SGCZ: variants seen among roughly 807,000 people sequenced by gnomAD.
SGCZ encodes the protein zeta-sarcoglycan.
SGCZ carries 40 observed loss-of-function variants against 41.3 expected under a neutral mutation model. That is an observed-to-expected ratio of 0.97 (90% CI 0.75 to 1.26). SGCZ has a LOEUF of 1.26. Among genes scored for constraint, SGCZ ranks in the 50% most tolerant of loss-of-function variants. The pLI, the probability that SGCZ is intolerant of heterozygous loss-of-function variation, is 0.00. For synonymous variants in SGCZ, 206 were observed against 137.5 expected (o/e 1.50, Z -3.49); for missense variants, 552 against 369.8 (o/e 1.49, Z -4.04).
At chr8:15,191,080 C>T (rs956215102) in intron 1 of SGCZ, among the ~76,000 whole-genome samples, 2 of 151,976 alleles carry the variant, frequency 1.3e-5, no homozygotes, top group Non-Finnish European at 2.9e-5. Context: ...TACTTTAATA[C>T]AACAATAGTA....
At chr8:14,117,924 T>TTTTTTTTTTTTTTTTTTTTTTTTGAG (rs1263259333) in intron 5 of SGCZ, among the ~76,000 whole-genome samples, 1 of 150,876 alleles carries the variant, frequency 6.6e-6, no homozygotes, top group Non-Finnish European at 1.5e-5. Context: ...TCATCCTTTT[T>TTTTTTTTTTTTTTTTTTTTTTTTGAG]ATGGTTGCTT....
chr8:15,205,247 T>C (rs776531834), intron 1 of SGCZ, among the ~76,000 whole-genome samples: 4 of 152,034 alleles, frequency 2.6e-5, no homozygotes, highest in Non-Finnish European at 5.9e-5. Context: ...AGAAACCAAA[T>C]TGACAAGTGG....
chr8:14,785,667 G>C (rs1480819507), intron 1 of SGCZ, among the ~76,000 whole-genome samples: 1 of 152,118 alleles, frequency 6.6e-6, no homozygotes, highest in Admixed American at 6.5e-5. Context: ...AAAGATTTGA[G>C]TTTAATTTAA....
intron 1 of SGCZ, among the ~76,000 whole-genome samples, chr8:14,762,865 A>G (rs1255687597): frequency 6.6e-6 from 1 of 152,234 alleles, no homozygotes; most frequent in African/African-American, 2.4e-5. Flanking sequence ...ATAACAAGAT[A>G]GAAAGAGCAT....
intron 2 of SGCZ, among the ~76,000 whole-genome samples, chr8:14,425,539 T>C (rs1278077174): frequency 6.6e-6 from 1 of 151,766 alleles, no homozygotes. Context: ...GAGAACTGCT[T>C]GAAACCACGA....
chr8:14,497,593 T>TGA (rs372870558), intron 2 of SGCZ, among the ~76,000 whole-genome samples: 11 of 150,058 alleles, frequency 7.3e-5, no homozygotes, highest in Non-Finnish European at 1.3e-4. Context: ...TGTGTGTGTG[T>TGA]GAGAGAGAGA....
chr8:14,235,748 A>T (rs1484501256), intron 4 of SGCZ, among the ~76,000 whole-genome samples: 1 of 152,098 alleles, frequency 6.6e-6, no homozygotes, highest in East Asian at 1.9e-4. Context: ...GCAGTGGCCC[A>T]ATCTCGGCTC....
At chr8:14,782,872 C>G (rs1800632839) in intron 1 of SGCZ, among the ~76,000 whole-genome samples, 1 of 152,170 alleles carries the variant, frequency 6.6e-6, no homozygotes, top group African/African-American at 2.4e-5. Flanking sequence ...TATGCTTCAA[C>G]AGCCAAATGG....
At position 14,146,894 on chromosome 8, in the gene SGCZ, AATAAT is replaced by A. The variant is rs1803543686; in HGVS notation, c.547+17681_547+17685del. ...CTCAAAAAATAAAAATAAAAAAAAT[AATAAT>A]AATAATAACTACAGCAACTTTTCCA... On this transcript the variant is annotated intron_variant, in intron 5 of 7. Transcript: ENST00000382080. Among the ~76,000 whole-genome samples, 4 of 128,312 alleles carry A rather than the reference AATAAT, an allele frequency of 3.1e-5. 1 individual carries two copies. The highest frequency in any genetic ancestry group is 1.4e-4 in the African/African-American group (4 of 29,122). The allele number at this position is 128,312 out of a possible 152,430, so 84.2% of individuals were successfully genotyped here.
intron 1 of SGCZ, among the ~76,000 whole-genome samples, chr8:15,101,740 G>A (rs1806622604): frequency 6.6e-6 from 1 of 152,112 alleles, no homozygotes; most frequent in Non-Finnish European, 1.5e-5. Context: ...GACCAGCCTG[G>A]AAAACATGGT....
At chr8:14,347,209 G>A (rs1802918831) in intron 2 of SGCZ, among the ~76,000 whole-genome samples, 1 of 152,020 alleles carries the variant, frequency 6.6e-6, no homozygotes, top group South Asian at 2.1e-4. Flanking sequence ...GATAGAGCCT[G>A]GCATCAGAAA....
chr8:15,224,087 C>T (rs1801694639), intron 1 of SGCZ, among the ~76,000 whole-genome samples: 1 of 152,126 alleles, frequency 6.6e-6, no homozygotes, highest in Non-Finnish European at 1.5e-5. Flanking sequence ...AACTCCCGAC[C>T]TCAAGTGATC....
In SGCZ at chr8:14,347,296, G is replaced by A. The variant is rs558584114; in HGVS notation, c.235-23092C>T. On this transcript the variant is annotated intron_variant, in intron 2 of 7. Coordinates refer to ENST00000382080, the MANE Select transcript of SGCZ (RefSeq NM_139167.4). ...GAAGAGAACTTCAGTGCAATGTCTG[G>A]AGCTTTTACTGAGGATTCCTACAAT... Among the ~76,000 whole-genome samples, 9 of 152,204 alleles carry A rather than the reference G, an allele frequency of 5.9e-5. 1 individual carries two copies. The highest frequency in any genetic ancestry group is 1.9e-4 in the African/African-American group (8 of 41,554).
intron 1 of SGCZ, among the ~76,000 whole-genome samples, chr8:14,650,377 G>T (rs1226157770): frequency 1.3e-5 from 2 of 151,956 alleles, no homozygotes; most frequent in Admixed American, 6.6e-5. Context: ...TAGCTTCAGG[G>T]TTACATGTGC....
At chr8:14,979,669 T>C (rs1318335091) in intron 1 of SGCZ, among the ~76,000 whole-genome samples, 2 of 152,198 alleles carry the variant, frequency 1.3e-5, no homozygotes, top group Non-Finnish European at 2.9e-5. Flanking sequence ...ATACCACATA[T>C]GAATTCGAAG....
intron 5 of SGCZ, among the ~76,000 whole-genome samples, chr8:14,135,825 C>T (rs1347605542): frequency 1.3e-5 from 2 of 152,100 alleles, no homozygotes; most frequent in South Asian, 2.1e-4. Context: ...ATTGGTAGTA[C>T]CCTGATACCA....
chr8:14,452,668 G>C (rs1800628781), intron 2 of SGCZ, among the ~76,000 whole-genome samples: 1 of 152,118 alleles, frequency 6.6e-6, no homozygotes, highest in Admixed American at 6.6e-5. Context: ...CTCTGGTAAA[G>C]GGAGAGGTTT....
chr8:14,750,101 C>A (rs1799452712), intron 1 of SGCZ, among the ~76,000 whole-genome samples: 1 of 152,048 alleles, frequency 6.6e-6, no homozygotes, highest in Non-Finnish European at 1.5e-5. Context: ...AATTAATAAT[C>A]CAAGTGTCTA....
intron 2 of SGCZ, among the ~76,000 whole-genome samples, chr8:14,486,033 G>C (rs1439703884): frequency 1.3e-5 from 2 of 151,904 alleles, no homozygotes; most frequent in African/African-American, 4.8e-5. Flanking sequence ...AGTAGAGACG[G>C]GGTAGAACAA....
Sources: gnomAD v4.1 joint callset for allele counts (sites outside exome capture counted in the v4.1 genomes callset) on GRCh38, gnomAD v4.1.1 for gene constraint, MANE v1.5 for transcripts, NCBI Gene and HGNC (gene_info 2026-07-23, HGNC 2026-07-21) for gene names.